The following CENPP variants were observed in gnomAD, a reference collection of about 807,000 sequenced individuals.
The protein encoded by CENPP is centromere protein P.
Under a neutral mutation model 35.6 loss-of-function variants are expected in CENPP, and 24 were observed. The observed-to-expected ratio is 0.67, with a 90% CI of 0.49 to 0.95. The LOEUF (loss-of-function observed/expected upper bound fraction) is 0.95, where lower values mean the gene tolerates loss of function less well. Among genes scored for constraint, CENPP ranks in the 40% least tolerant of loss-of-function variants. The pLI, the probability that CENPP is intolerant of heterozygous loss-of-function variation, is 0.00. For missense variants in CENPP, 332 were observed against 345.3 expected (o/e 0.96, Z 0.31); for synonymous variants, 120 against 125.5 (o/e 0.96, Z 0.29).
chr9:92,425,743 A>G (rs909205767), intron 5 of CENPP, among the ~76,000 whole-genome samples: 1 of 152,234 alleles, frequency 6.6e-6, no homozygotes, highest in Non-Finnish European at 1.5e-5. Flanking sequence ...TATTTGAGAC[A>G]TTGGTATGAA....
chr9:92,588,938 A>G (rs571716435), intron 5 of CENPP, among the ~76,000 whole-genome samples: 10 of 152,318 alleles, frequency 6.6e-5, no homozygotes, highest in African/African-American at 2.4e-4. Flanking sequence ...GGTTATGAAT[A>G]AATAAAATAC....
intron 5 of CENPP, among the ~76,000 whole-genome samples, chr9:92,408,435 C>T (rs1212093680): frequency 6.6e-6 from 1 of 152,178 alleles, no homozygotes; most frequent in African/African-American, 2.4e-5. Context: ...TTGCCCGCCT[C>T]GGCCTCCCAA....
chr9:92,452,246 A>G (rs1290140754), intron 5 of CENPP, among the ~76,000 whole-genome samples: 3 of 151,962 alleles, frequency 2.0e-5, no homozygotes, highest in Non-Finnish European at 4.4e-5. Context: ...TGTCATAGAT[A>G]GCTCTTATTA....
intron 5 of CENPP, chr9:92,517,397 G>A (rs558936383): frequency 2.3e-4 from 127 of 563,868 alleles, no homozygotes; most frequent in South Asian, 1.0e-3. Context: ...AGGATCTGTT[G>A]TAGAAATTCT....
chr9:92,568,502 T>G (rs1486727564), intron 5 of CENPP, among the ~76,000 whole-genome samples: 1 of 152,208 alleles, frequency 6.6e-6, no homozygotes, highest in Admixed American at 6.5e-5. Context: ...ACATTTGGGT[T>G]GGTTCCAAGT....
intron 4 of CENPP, among the ~76,000 whole-genome samples, chr9:92,352,505 G>GTGTGTGTGTGTGTATATATATA: frequency 4.0e-5 from 2 of 49,786 alleles, no homozygotes; most frequent in Non-Finnish European, 6.6e-5. Flanking sequence ...GTGTGTGTGT[G>GTGTGTGTGTGTGTATATATATA]TATACATATA....
At chr9:92,417,676 A>G (rs1843659931) in intron 5 of CENPP, 2 of 677,424 alleles carry the variant, frequency 3.0e-6, no homozygotes, top group South Asian at 2.8e-5. Flanking sequence ...ACCTATGTCT[A>G]TATATAAAAG....
At chr9:92,474,697 A>G (rs558726949) in intron 5 of CENPP, 1 of 1,613,598 alleles carries the variant, frequency 6.2e-7, no homozygotes, top group Non-Finnish European at 8.5e-7. Flanking sequence ...GATCAAATGG[A>G]AAAAAATGGC....
At chr9:92,517,314 G>A (rs1472564572) in intron 5 of CENPP, 1 of 300,030 alleles carries the variant, frequency 3.3e-6, no homozygotes, top group Non-Finnish European at 6.2e-6. Flanking sequence ...AGATGATAAA[G>A]GCACGTTGCA....
intron 5 of CENPP, among the ~76,000 whole-genome samples, chr9:92,437,466 G>GTGGCTCAATCACAACT (rs1844276369): frequency 6.7e-6 from 1 of 149,784 alleles, no homozygotes; most frequent in African/African-American, 2.5e-5. Context: ...CTGGAGTGCA[G>GTGGCTCAATCACAACT]TAGTAGGTTC....
At chr9:92,524,095 ACCT>A (rs1316155536) in intron 5 of CENPP, among the ~76,000 whole-genome samples, 1 of 152,186 alleles carries the variant, frequency 6.6e-6, no homozygotes, top group Non-Finnish European at 1.5e-5. Flanking sequence ...ATTTCTCTCC[ACCT>A]GTTTGCTAAG....
chr9:92,332,468 T>G, intron 2 of CENPP, 117 bp downstream of exon 2: 1 of 736,080 alleles, frequency 1.4e-6, no homozygotes, highest in Non-Finnish European at 2.1e-6. Context: ...AAAGTATGGT[T>G]GTGGTAAACT....
intron 5 of CENPP, chr9:92,403,304 G>A (rs769450525): frequency 2.7e-5 from 43 of 1,611,596 alleles, no homozygotes; most frequent in Non-Finnish European, 3.6e-5. Flanking sequence ...AAAATTATCT[G>A]TTCCATAATC....
chr9:92,429,313 G>A (rs1275245741), intron 5 of CENPP, among the ~76,000 whole-genome samples: 4 of 152,140 alleles, frequency 2.6e-5, no homozygotes, highest in Admixed American at 2.0e-4. Context: ...GAACTCATCA[G>A]CAGGCCTCAT....
intron 5 of CENPP, chr9:92,390,061 A>G: frequency 1.3e-6 from 2 of 1,521,978 alleles, no homozygotes; most frequent in Non-Finnish European, 1.8e-6. Flanking sequence ...AGTTAGCTAG[A>G]GGGAAAAAAA....
intron 5 of CENPP, chr9:92,465,048 A>G: frequency 6.6e-7 from 1 of 1,512,064 alleles, no homozygotes; most frequent in Non-Finnish European, 9.2e-7. Context: ...GGAGAATGAC[A>G]TGACTTAGCA....
intron 5 of CENPP, chr9:92,386,441 G>C (rs191790003): frequency 1.7e-6 from 1 of 583,110 alleles, no homozygotes; most frequent in Non-Finnish European, 3.0e-6. Context: ...TCAATTGTTC[G>C]TATGGTAGTT....
At chr9:92,592,673 G>A (rs1850693941) in intron 5 of CENPP, among the ~76,000 whole-genome samples, 1 of 152,238 alleles carries the variant, frequency 6.6e-6, no homozygotes, top group South Asian at 2.1e-4. Context: ...CTCAGCTTTG[G>A]TACCTGTTTC....
At chr9:92,337,759 C>A (rs1477336504) in intron 3 of CENPP, 130 bp downstream of exon 3, 1 of 694,834 alleles carries the variant, frequency 1.4e-6, no homozygotes, top group African/African-American at 1.8e-5. Context: ...ATTCATAGCA[C>A]ATTTGTGCAA....
Sources: gnomAD v4.1 joint callset for allele counts (sites outside exome capture counted in the v4.1 genomes callset) on GRCh38, gnomAD v4.1.1 for gene constraint, MANE v1.5 for transcripts, NCBI Gene and HGNC (gene_info 2026-07-23, HGNC 2026-07-21) for gene names.